The following AP1AR variants were observed in gnomAD, a reference collection of about 807,000 sequenced individuals.
AP1AR encodes AP-1 complex-associated regulatory protein.
AP1AR carries 29 observed loss-of-function variants against 46.3 expected under a neutral mutation model. That is an observed-to-expected ratio of 0.63 (90% CI 0.47 to 0.85). The LOEUF is 0.85. Ranked by LOEUF, AP1AR falls within the 40% of genes least tolerant of loss-of-function variation. AP1AR has a pLI of 0.00. For synonymous variants in AP1AR, 122 were observed against 122.9 expected, an observed-to-expected ratio of 0.99 and a Z score of 0.05; for missense variants, 357 against 356.3, an observed-to-expected ratio of 1.00 and a Z score of -0.02.
chr4:112,259,680 A>G (rs1475476059), intron 4 of AP1AR, among the ~76,000 whole-genome samples: 2 of 152,170 alleles, frequency 1.3e-5, no homozygotes, highest in Non-Finnish European at 2.9e-5. Flanking sequence ...GCAAACAGAC[A>G]AAAGGAATAG....
Position 112,268,519 on chromosome 4 carries a change from A to G in AP1AR, c.*110A>G, listed in dbSNP as rs1024139209. The G allele has an allele frequency of 8.6e-6, 9 of 1,049,170 alleles. No homozygotes were observed. Among genetic ancestry groups the G allele is most frequent in the Non-Finnish European group, 1.2e-5 (9 of 752,994 alleles). 65.0% of individuals were successfully genotyped at this position (1,049,170 alleles called of 1,614,324 possible). A position where few individuals can be genotyped will look rare whatever the true frequency, so the allele number is the denominator to read the frequency against. ...TTGTAAGGGAGATGTGTAAGAAACC[A>G]TGTTGTAAATGCTTATTTTATTACA... On this transcript the variant is annotated 3_prime_UTR_variant, in exon 10 of 10. Coordinates refer to ENST00000274000, the MANE Select transcript of AP1AR (RefSeq NM_018569.6).
chr4:112,236,168 T>C (rs1272440542), intron 1 of AP1AR, among the ~76,000 whole-genome samples: 2 of 151,772 alleles, frequency 1.3e-5, no homozygotes, highest in Non-Finnish European at 2.9e-5. Context: ...ATTTTCAGTC[T>C]CTCCTTAAAC....
rs1726876407 is a variant in AP1AR, at chr4:112,269,786, A to G, written c.*1377A>G. The G allele has an allele frequency of 6.6e-6, 1 of 152,504 alleles. No homozygotes were observed. Among genetic ancestry groups the G allele is most frequent in the Non-Finnish European group, 1.5e-5 (1 of 67,954 alleles). The allele number at this position is 152,504 out of a possible 1,614,324, so 9.4% of individuals were successfully genotyped here. A position where few individuals can be genotyped will look rare whatever the true frequency, so the allele number is the denominator to read the frequency against. ...GATACTTTAAATATGTAAATATAAT[A>G]CATTAGGTAATGCTATTATTTATAT... On this transcript the variant is annotated 3_prime_UTR_variant, in exon 10 of 10. Transcript: ENST00000274000.
chr4:112,244,429 A>AT (rs1165205169), intron 1 of AP1AR, among the ~76,000 whole-genome samples: 1 of 152,188 alleles, frequency 6.6e-6, no homozygotes, highest in East Asian at 1.9e-4. Flanking sequence ...ACGGGCTGGA[A>AT]TATAATACCC....
intron 9 of AP1AR, among the ~76,000 whole-genome samples, chr4:112,267,453 A>T (rs575772223): frequency 1.3e-5 from 2 of 151,870 alleles, no homozygotes; most frequent in Non-Finnish European, 2.9e-5. Flanking sequence ...TCAGAATTAG[A>T]TCTAGAACAG....
chr4:112,260,283 A>G (rs1412891978), intron 4 of AP1AR, among the ~76,000 whole-genome samples: 1 of 152,220 alleles, frequency 6.6e-6, no homozygotes, highest in Non-Finnish European at 1.5e-5. Flanking sequence ...ACTGGGACAG[A>G]TAGACTGAGA....
Position 112,255,935 on chromosome 4 carries a change from T to G in AP1AR, c.159+1162T>G, listed in dbSNP as rs546952079. 1.5e-4 allele frequency among the ~76,000 whole-genome samples: 23 copies of G among 152,372 alleles called. No homozygotes were observed. In the South Asian group the frequency reaches 4.3e-3, roughly 29 times the overall value. ...ATTACTTAACCTCCCTGGGTCTACTTTCTACATCTTTAAAATTGGTTCGAC... is the reference window on the plus strand; with the variant it reads ...ATTACTTAACCTCCCTGGGTCTACTGTCTACATCTTTAAAATTGGTTCGAC... On this transcript the variant is annotated intron_variant, in intron 3 of 9. Coordinates refer to ENST00000274000, the MANE Select transcript of AP1AR (RefSeq NM_018569.6).
At chr4:112,262,641 G>A (rs1726503516) in intron 5 of AP1AR, among the ~76,000 whole-genome samples, 1 of 152,164 alleles carries the variant, frequency 6.6e-6, no homozygotes, top group African/African-American at 2.4e-5. Context: ...CTGGATTTAT[G>A]AGGGCCAAAA....
At chr4:112,238,580 A>G (rs2110466684) in intron 1 of AP1AR, among the ~76,000 whole-genome samples, 1 of 152,358 alleles carries the variant, frequency 6.6e-6, no homozygotes, top group Admixed American at 6.5e-5. Context: ...TTCAGAAGAT[A>G]GGAAGGAAAA....
chr4:112,262,463 TG>T (rs1726494452), intron 5 of AP1AR, among the ~76,000 whole-genome samples: 1 of 152,390 alleles, frequency 6.6e-6, no homozygotes, highest in South Asian at 2.1e-4. Flanking sequence ...AAGCAGCTTA[TG>T]TGCTCTTATG....
In AP1AR at chr4:112,266,660, C is replaced by A; in HGVS notation, c.587C>A (p.Ser196Ter). ...TGTGATTTAATGACCAAAACTAAATCAACTAGTGGAAATGACGACAGCACA... is the reference window on the plus strand; with the variant it reads ...TGTGATTTAATGACCAAAACTAAATAAACTAGTGGAAATGACGACAGCACA... ...SSCDLMTKTKSTSGNDDSTSL... is the reference protein window; with the variant it reads ...SSCDLMTKTK The change falls in exon 9 of 10, where the codon TCA (serine) becomes TAA (stop). Residue 196 changes from serine to a stop codon, truncating the protein, a stop_gained. Coordinates refer to ENST00000274000, the MANE Select transcript of AP1AR (RefSeq NM_018569.6). LOFTEE classifies it high-confidence loss of function. 6.2e-7 allele frequency: 1 copy of A among 1,610,514 alleles called. No homozygotes were observed. The highest frequency in any genetic ancestry group is 1.1e-5 in the South Asian group (1 of 90,852).
At chr4:112,248,610 TTC>T (rs1283355962) in intron 1 of AP1AR, among the ~76,000 whole-genome samples, 1 of 152,194 alleles carries the variant, frequency 6.6e-6, no homozygotes, top group Non-Finnish European at 1.5e-5. Context: ...TATCAATCTC[TTC>T]TCTCTGCTTT....
chr4:112,235,985 T>G (rs915825874), intron 1 of AP1AR, among the ~76,000 whole-genome samples: 1 of 152,090 alleles, frequency 6.6e-6, no homozygotes, highest in African/African-American at 2.4e-5. Flanking sequence ...GATTTTCTTG[T>G]CTTCTCTTTT....
intron 4 of AP1AR, among the ~76,000 whole-genome samples, 156 bp downstream of exon 4, chr4:112,257,953 A>G (rs76129513): frequency 6.6e-6 from 1 of 152,150 alleles, no homozygotes; most frequent in Non-Finnish European, 1.5e-5. Flanking sequence ...TGAGACAAAT[A>G]TCATATATCT....
chr4:112,262,726 A>C (rs1422718388), intron 5 of AP1AR, among the ~76,000 whole-genome samples: 1 of 152,212 alleles, frequency 6.6e-6, no homozygotes, highest in Non-Finnish European at 1.5e-5. Flanking sequence ...CTAAAGAAAC[A>C]CTTCTATATT....
intron 1 of AP1AR, 81 bp downstream of exon 1, chr4:112,232,255 C>T: frequency 1.7e-6 from 2 of 1,200,340 alleles, no homozygotes; most frequent in Non-Finnish European, 2.1e-6. Context: ...CACCGTCCCC[C>T]GGCGGCTGGA....
chr4:112,245,174 G>A (rs1725671934), intron 1 of AP1AR, among the ~76,000 whole-genome samples: 1 of 152,008 alleles, frequency 6.6e-6, no homozygotes, highest in Non-Finnish European at 1.5e-5. Context: ...CTAATTTTTA[G>A]TGAAAATCTT....
chr4:112,244,618 T>C (rs1725645329), intron 1 of AP1AR, among the ~76,000 whole-genome samples: 1 of 152,200 alleles, frequency 6.6e-6, no homozygotes, highest in African/African-American at 2.4e-5. Context: ...AACCATTTTT[T>C]TTCTTTTGTA....
chr4:112,255,069 C>T (rs1420560567), intron 3 of AP1AR, among the ~76,000 whole-genome samples: 2 of 151,930 alleles, frequency 1.3e-5, no homozygotes, highest in African/African-American at 4.8e-5. Flanking sequence ...ACGCCATTCT[C>T]CTGCCTCAGC....
Sources: gnomAD v4.1 joint callset for allele counts (sites outside exome capture counted in the v4.1 genomes callset) on GRCh38, gnomAD v4.1.1 for gene constraint, MANE v1.5 for transcripts, NCBI Gene and HGNC (gene_info 2026-07-23, HGNC 2026-07-21) for gene names.